Variants in CDK14 observed in about 807,000 individuals in gnomAD.
CDK14 encodes the protein cyclin-dependent kinase 14.
In CDK14, 34 loss-of-function variants were observed where a neutral mutation model predicts 60.7. The ratio of observed to expected loss-of-function variants is 0.56; its 90% confidence interval spans 0.43 to 0.75. The LOEUF (loss-of-function observed/expected upper bound fraction) is 0.75, where lower values mean the gene tolerates loss of function less well. Among genes scored for constraint, CDK14 ranks in the 30% least tolerant of loss-of-function variants. CDK14 has a pLI of 0.00. For missense variants in CDK14, 482 were observed against 564.1 expected (o/e 0.85, Z 1.47); for synonymous variants, 197 against 203.7 (o/e 0.97, Z 0.28).
At chr7:91,030,324 C>T (rs1562875212) in intron 10 of CDK14, among the ~76,000 whole-genome samples, 1 of 152,088 alleles carries the variant, frequency 6.6e-6, no homozygotes, top group Non-Finnish European at 1.5e-5. Flanking sequence ...AAAATAGCAG[C>T]GTCTTTTTTT....
rs550679462 is a variant in CDK14, at chr7:90,853,513, C to T, written c.545-9662C>T. ...AAGTAGGTTGAAGTGTAACTAAATA[C>T]GTAAACACACAAACACACACACACA... On this transcript the variant is annotated intron_variant, in intron 5 of 14. Coordinates refer to ENST00000380050, the MANE Select transcript of CDK14 (RefSeq NM_001287135.2). Among the ~76,000 whole-genome samples, 21 of 141,558 alleles carry T rather than the reference C, an allele frequency of 1.5e-4. No individual in the cohort carries two copies. In the South Asian group the frequency reaches 3.3e-3, roughly 22 times the overall value. The allele number at this position is 141,558 out of a possible 152,430, so 92.9% of individuals were successfully genotyped here.
At chr7:91,199,786 A>T (rs1802661589) in intron 14 of CDK14, among the ~76,000 whole-genome samples, 1 of 152,196 alleles carries the variant, frequency 6.6e-6, no homozygotes, top group Non-Finnish European at 1.5e-5. Context: ...ATCCATATGG[A>T]TGTTACCAAA....
chr7:90,686,507 A>G (rs571701431), intron 2 of CDK14, among the ~76,000 whole-genome samples: 1 of 152,282 alleles, frequency 6.6e-6, no homozygotes, highest in African/African-American at 2.4e-5. Flanking sequence ...TATTTCATTG[A>G]GAAGCTCCTG....
intron 5 of CDK14, among the ~76,000 whole-genome samples, chr7:90,833,531 G>A (rs1240519456): frequency 6.6e-6 from 1 of 152,162 alleles, no homozygotes; most frequent in African/African-American, 2.4e-5. Flanking sequence ...AAATGAAAAT[G>A]AGAACAAATG....
At chr7:90,805,332 A>T (rs1398676209) in intron 5 of CDK14, among the ~76,000 whole-genome samples, 1 of 152,106 alleles carries the variant, frequency 6.6e-6, no homozygotes, top group Non-Finnish European at 1.5e-5. Flanking sequence ...AAAGTTTAAA[A>T]ATCACATTAT....
chr7:90,817,669 C>G (rs1190546468), intron 5 of CDK14, among the ~76,000 whole-genome samples: 1 of 152,096 alleles, frequency 6.6e-6, no homozygotes, highest in East Asian at 1.9e-4. Flanking sequence ...TTAGAATGAC[C>G]TGTGTAATAT....
At chr7:90,738,534 A>G (rs986057945) in intron 3 of CDK14, among the ~76,000 whole-genome samples, 2 of 152,198 alleles carry the variant, frequency 1.3e-5, no homozygotes, top group Admixed American at 6.5e-5. Context: ...ACGGTTCTCT[A>G]TACTTTTATT....
chr7:91,111,900 C>T (rs191425344), intron 12 of CDK14, among the ~76,000 whole-genome samples: 29 of 152,224 alleles, frequency 1.9e-4, no homozygotes, highest in African/African-American at 7.0e-4. Context: ...TTTATTATTA[C>T]GCCTTTTTCT....
At chr7:91,150,215 C>T (rs1307166791) in intron 14 of CDK14, among the ~76,000 whole-genome samples, 1 of 152,164 alleles carries the variant, frequency 6.6e-6, no homozygotes, top group African/African-American at 2.4e-5. Context: ...GCATTTAACC[C>T]TTTTAATGCC....
rs60356035 is a variant in CDK14 at position 91,089,570 on chromosome 7, GAA to G, written c.1154+10104_1154+10105del. Among the ~76,000 whole-genome samples, 943 of 139,646 alleles carry G rather than the reference GAA, an allele frequency of 6.8e-3. 6 individuals carry two copies. Among genetic ancestry groups the G allele is most frequent in the Non-Finnish European group, 8.4e-3 (543 of 64,644 alleles). The allele number at this position is 139,646 out of a possible 152,430, so 91.6% of individuals were successfully genotyped here. Reference sequence around the variant, plus strand: ...TGTAGAGGGCAGCATGCTCTGAGGGGAAAAAAAAAAAAAAACAGGCAACTGTT... The same window carrying G: ...TGTAGAGGGCAGCATGCTCTGAGGGGAAAAAAAAAAAAACAGGCAACTGTT... On this transcript the variant is annotated intron_variant, in intron 12 of 14. Transcript: ENST00000380050.
chr7:91,013,656 G>GTTTTTTTTTTTTTTTTTTTTTTTTT (rs56934476), intron 10 of CDK14, among the ~76,000 whole-genome samples: 16 of 123,384 alleles, frequency 1.3e-4, no homozygotes, highest in African/African-American at 2.1e-4. Flanking sequence ...CATTGCCTCT[G>GTTTTTTTTTTTTTTTTTTTTTTTTT]TTTTTTTTTT....
intron 14 of CDK14, among the ~76,000 whole-genome samples, chr7:91,169,892 T>C (rs1030740461): frequency 1.3e-5 from 2 of 152,232 alleles, no homozygotes; most frequent in African/African-American, 4.8e-5. Flanking sequence ...CCAAATAGCA[T>C]TGTGCTTTAT....
chr7:90,684,845 T>C (rs1402476804), intron 2 of CDK14, among the ~76,000 whole-genome samples: 1 of 152,160 alleles, frequency 6.6e-6, no homozygotes, highest in Non-Finnish European at 1.5e-5. Context: ...CACATATATA[T>C]GTTTCCTTGT....
Position 91,095,913 on chromosome 7 carries a change from G to A in CDK14, c.1154+16433G>A, listed in dbSNP as rs956966564. Among the ~76,000 whole-genome samples, 7 of 151,772 alleles carry A rather than the reference G, an allele frequency of 4.6e-5. No homozygotes were observed. The South Asian group carries it at 1.5e-3, about 32-fold the overall frequency. On this transcript the variant is annotated intron_variant, in intron 12 of 14. Transcript: ENST00000380050. ...TAATAACAAAAATGTTGCTTAATTT[G>A]TGTAGAGTTTCTGCTTAGGGTGATG... is the stretch of plus-strand genomic sequence containing the variant.
chr7:91,053,082 T>C (rs1276222218), intron 11 of CDK14, among the ~76,000 whole-genome samples: 1 of 152,222 alleles, frequency 6.6e-6, no homozygotes, highest in Non-Finnish European at 1.5e-5. Flanking sequence ...GTCCACACTT[T>C]TTTGTTCCAG....
chr7:91,108,479 C>G (rs958603368), intron 12 of CDK14, among the ~76,000 whole-genome samples: 1 of 152,070 alleles, frequency 6.6e-6, no homozygotes, highest in Non-Finnish European at 1.5e-5. Context: ...GCCAAAATAC[C>G]CAGCATAATA....
At chr7:90,653,298 G>C (rs1388618923) in intron 2 of CDK14, among the ~76,000 whole-genome samples, 1 of 151,926 alleles carries the variant, frequency 6.6e-6, no homozygotes. Flanking sequence ...GCTAGTAGTT[G>C]CTTCTAATAG....
chr7:91,103,181 A>G (rs552718212), intron 12 of CDK14, among the ~76,000 whole-genome samples: 31 of 152,244 alleles, frequency 2.0e-4, no homozygotes, highest in African/African-American at 6.7e-4. Context: ...GGAACCCAGT[A>G]GGCAGAGGCT....
chr7:91,138,903 T>C (rs1385302651), intron 14 of CDK14, among the ~76,000 whole-genome samples: 1 of 152,196 alleles, frequency 6.6e-6, no homozygotes, highest in African/African-American at 2.4e-5. Context: ...TCTTTGTCCA[T>C]CTTTTTGTTG....
Sources: allele counts gnomAD v4.1 joint callset (sites outside exome capture counted in the v4.1 genomes callset), GRCh38; gene constraint gnomAD v4.1.1; transcripts MANE v1.5; gene names NCBI Gene and HGNC (gene_info 2026-07-23, HGNC 2026-07-21).